RYR3: variants seen among roughly 807,000 people sequenced by gnomAD.
The protein encoded by RYR3 is brain ryanodine receptor-calcium release channel.
RYR3 carries 207 observed loss-of-function variants against 584.3 expected under a neutral mutation model. The ratio of observed to expected loss-of-function variants is 0.35; its 90% CI spans 0.32 to 0.40. The LOEUF (loss-of-function observed/expected upper bound fraction) is 0.40. Ranked by LOEUF, RYR3 falls within the 10% of genes least tolerant of loss-of-function variation. The pLI is 1.00. For synonymous variants in RYR3, 2,416 were observed against 2,248.5 expected (o/e 1.07, Z -2.11); for missense variants, 5,616 against 6,089.2 (o/e 0.92, Z 2.59).
At position 33,566,802 on chromosome 15, in the gene RYR3, A is replaced by G; in HGVS notation, c.1268+3A>G. The G allele has an allele frequency of 6.2e-7, 1 of 1,613,638 alleles. No homozygotes were observed. Among genetic ancestry groups the G allele is most frequent in the East Asian group, 2.2e-5 (1 of 44,870 alleles). On this transcript the variant is annotated splice_donor_region_variant and intron_variant, in intron 12 of 103. Transcript: ENST00000634891. Reference sequence around the variant, plus strand: ...GCCTTATTCAGCCAGTTTGTCAGGTATGTTAGCTCCTTTCCTCCTCTACCT... The same window carrying G: ...GCCTTATTCAGCCAGTTTGTCAGGTGTGTTAGCTCCTTTCCTCCTCTACCT...
At chr15:33,528,074 A>AT (rs909968181) in intron 3 of RYR3, among the ~76,000 whole-genome samples, 207 of 151,288 alleles carry the variant, frequency 1.4e-3, no homozygotes, top group African/African-American at 4.2e-3. Context: ...GAATGAGACT[A>AT]TTTTTTTTTC....
intron 10 of RYR3, among the ~76,000 whole-genome samples, chr15:33,554,539 G>T (rs1225365704): frequency 6.6e-6 from 1 of 151,914 alleles, no homozygotes; most frequent in Non-Finnish European, 1.5e-5. Context: ...CTCGTGATCC[G>T]CCCGCCTCGG....
At chr15:33,407,607 C>A (rs1323864302) in intron 1 of RYR3, among the ~76,000 whole-genome samples, 1 of 152,192 alleles carries the variant, frequency 6.6e-6, no homozygotes, top group Admixed American at 6.5e-5. Context: ...CATGCCATTT[C>A]ATCCAGATAC....
rs1555427643 is a variant in RYR3 at position 33,725,976 on chromosome 15, C to CCCGCCAAAAA, written c.6913-410_6913-409insCCGCCAAAAA. ...CAGAGCAAGACTCCATCCCCCCCCCCAAAAAAAAAAAAAAAAAAAAACAGA... is the reference window on the plus strand; with the variant it reads ...CAGAGCAAGACTCCATCCCCCCCCCCCCGCCAAAAAAAAAAAAAAAAAAAAAAAAAACAGA... On this transcript the variant is annotated intron_variant, in intron 45 of 103. Transcript: ENST00000634891. Among the ~76,000 whole-genome samples, 12 of 31,520 alleles carry CCCGCCAAAAA rather than the reference C, an allele frequency of 3.8e-4. 1 individual carries two copies. The highest frequency in any genetic ancestry group is 6.9e-4 in the Admixed American group (1 of 1,446). 20.7% of individuals were successfully genotyped at this position (31,520 alleles called of 152,430 possible). A position where few individuals can be genotyped will look rare whatever the true frequency, so the allele number is the denominator to read the frequency against.
At chr15:33,520,988 C>A (rs151027312) in intron 3 of RYR3, among the ~76,000 whole-genome samples, 1 of 152,134 alleles carries the variant, frequency 6.6e-6, no homozygotes, top group Non-Finnish European at 1.5e-5. Flanking sequence ...AAATCTACAT[C>A]GATTCTCATA....
At chr15:33,774,169 T>A (rs1270467154) in intron 64 of RYR3, among the ~76,000 whole-genome samples, 3 of 152,224 alleles carry the variant, frequency 2.0e-5, no homozygotes, top group African/African-American at 4.8e-5. Context: ...GTTTTGCCTC[T>A]CTAATCTGCT....
Position 33,816,882 on chromosome 15 carries a change from T to C in RYR3, c.10523T>C (p.Phe3508Ser). 1 of 1,612,368 alleles carries C rather than the reference T, an allele frequency of 6.2e-7. No homozygotes were observed. The highest frequency in any genetic ancestry group is 8.5e-7 in the Non-Finnish European group (1 of 1,178,968). Reference sequence around the variant, plus strand: ...CTCAGGCACCGCTCTATTAACCTCTTCCTCCATGGCTATCAGAGATTTTGG... The same window carrying C: ...CTCAGGCACCGCTCTATTAACCTCTCCCTCCATGGCTATCAGAGATTTTGG... ...NLPRHRSINL[F>S]LHGYQRFWIE... The change falls in exon 75 of 104, where the codon TTC becomes TCC. Residue 3508 changes from phenylalanine to serine, a missense_variant. Physicochemically the swap from Phe to Ser is radical, Grantham distance 155. Transcript: ENST00000634891.
intron 1 of RYR3, among the ~76,000 whole-genome samples, chr15:33,458,912 CT>C (rs2142048095): frequency 6.6e-6 from 1 of 152,340 alleles, no homozygotes; most frequent in African/African-American, 2.4e-5. Flanking sequence ...TTTCCCACCA[CT>C]GTCTTCTTTT....
At chr15:33,669,159 T>A (rs376340659) in intron 36 of RYR3, among the ~76,000 whole-genome samples, 195 bp from the exon 37 acceptor site, 1 of 151,798 alleles carries the variant, frequency 6.6e-6, no homozygotes, top group Non-Finnish European at 1.5e-5. Context: ...CCAAATGTTA[T>A]ACAATTAATA....
At chr15:33,347,637 C>T (rs141483873) in intron 1 of RYR3, among the ~76,000 whole-genome samples, 83 of 152,134 alleles carry the variant, frequency 5.5e-4, no homozygotes, top group Middle Eastern at 6.8e-3. Flanking sequence ...TCAGTAGAGA[C>T]GGGGTTTCAC....
intron 3 of RYR3, among the ~76,000 whole-genome samples, chr15:33,525,949 G>A (rs1248440735): frequency 6.6e-6 from 1 of 152,132 alleles, no homozygotes; most frequent in Non-Finnish European, 1.5e-5. Context: ...ATCCATGCTT[G>A]GAAAATGACT....
At chr15:33,861,668 T>C (rs1888277877) in intron 102 of RYR3, among the ~76,000 whole-genome samples, 1 of 152,168 alleles carries the variant, frequency 6.6e-6, no homozygotes, top group African/African-American at 2.4e-5. Flanking sequence ...TACATCATAA[T>C]ATTGGGTCTT....
chr15:33,682,355 G>GT (rs963578272), intron 38 of RYR3, among the ~76,000 whole-genome samples: 110 of 147,066 alleles, frequency 7.5e-4, no homozygotes, highest in African/African-American at 1.6e-3. Context: ...TAATGAGTAG[G>GT]TTTTTTTTTT....
At chr15:33,580,976 T>C (rs2058559846) in intron 13 of RYR3, among the ~76,000 whole-genome samples, 1 of 144,814 alleles carries the variant, frequency 6.9e-6, no homozygotes, top group African/African-American at 2.6e-5. Context: ...TATTTCAAAT[T>C]AGCTAGAAAA....
At chr15:33,725,400 G>A (rs532243210) in intron 45 of RYR3, among the ~76,000 whole-genome samples, 2 of 152,266 alleles carry the variant, frequency 1.3e-5, no homozygotes, top group Admixed American at 1.3e-4. Context: ...CCTGGGGACA[G>A]TCTGACCCTA....
intron 16 of RYR3, among the ~76,000 whole-genome samples, chr15:33,601,125 T>C (rs544457411): frequency 1.3e-5 from 2 of 152,240 alleles, no homozygotes; most frequent in African/African-American, 4.8e-5. Flanking sequence ...GCCTCTTACT[T>C]ACTGTAATAG....
chr15:33,559,816 A>G (rs1450530911), intron 10 of RYR3, among the ~76,000 whole-genome samples: 1 of 152,244 alleles, frequency 6.6e-6, no homozygotes, highest in Non-Finnish European at 1.5e-5. Context: ...TGTAATATAC[A>G]GAAGATACGA....
At chr15:33,725,976 C>CCCCAAA (rs1555427643) in intron 45 of RYR3, among the ~76,000 whole-genome samples, 3 of 31,520 alleles carry the variant, frequency 9.5e-5, no homozygotes, top group Non-Finnish European at 1.8e-4. Flanking sequence ...TCCCCCCCCC[C>CCCCAAA]AAAAAAAAAA....
At position 33,352,803 on chromosome 15, in the gene RYR3, G is replaced by T. The variant is rs146431468; in HGVS notation, c.51+41707G>T. Among the ~76,000 whole-genome samples the T allele has an allele frequency of 1.7e-4, 26 of 152,270 alleles. 1 individual carries two copies. The East Asian group carries it at 4.2e-3, about 25-fold the overall frequency. On this transcript the variant is annotated intron_variant, in intron 1 of 103. Transcript: ENST00000634891. ...CTATGCCCACTTCTGTTTACTCATG[G>T]TGGTCATTTAGAGAGCTAAGGTTAA...
Sources: gnomAD v4.1 joint callset for allele counts (sites outside exome capture counted in the v4.1 genomes callset) on GRCh38, gnomAD v4.1.1 for gene constraint, MANE v1.5 for transcripts, NCBI Gene and HGNC (gene_info 2026-07-23, HGNC 2026-07-21) for gene names.